The following ALOXE3 variants were observed in gnomAD, a reference collection of about 807,000 sequenced individuals.
The protein encoded by ALOXE3 is hydroperoxide isomerase ALOXE3.
In ALOXE3, 78 loss-of-function variants were observed where a neutral mutation model predicts 87.5. The ratio of observed to expected loss-of-function variants is 0.89; its 90% CI spans 0.74 to 1.08. ALOXE3 has a LOEUF of 1.08. Among genes scored for constraint, ALOXE3 ranks in the 50% least tolerant of loss-of-function variants. ALOXE3 has a pLI of 0.00. For missense variants in ALOXE3, 946 were observed against 912.4 expected, an observed-to-expected ratio of 1.04 and a Z score of -0.47; for synonymous variants, 363 against 370.8, an observed-to-expected ratio of 0.98 and a Z score of 0.24.
chr17:8,110,893 T>C (rs904059046), intron 8 of ALOXE3, among the ~76,000 whole-genome samples: 11 of 152,204 alleles, frequency 7.2e-5, no homozygotes, highest in Non-Finnish European at 1.6e-4. Flanking sequence ...ACCATGTCTC[T>C]AGCTTTCTGG....
intron 5 of ALOXE3, 32 bp from the exon 6 acceptor site, chr17:8,114,641 C>G (rs751123844): frequency 1.2e-6 from 2 of 1,613,288 alleles, no homozygotes; most frequent in South Asian, 1.1e-5. Flanking sequence ...AGACAGAAAC[C>G]AGTCAGTGGG....
At position 8,107,965 on chromosome 17, in the gene ALOXE3, G is replaced by GGAAGGAAA. The variant is rs200841890; in HGVS notation, c.1684+502_1684+503insTTTCCTTC. 3.7e-3 allele frequency among the ~76,000 whole-genome samples: 23 copies of GGAAGGAAA among 6,288 alleles called. 9 individuals carry two copies. The highest frequency in any genetic ancestry group is 6.8e-3 in the East Asian group (7 of 1,022). The allele number at this position is 6,288 out of a possible 152,430, so 4.1% of individuals were successfully genotyped here. ...AGAAAGAAAGAAAGAAAGAAAGGAA[G>GGAAGGAAA]GAGAGAGAGAGAGAGAGAAAGAAAG... On this transcript the variant is annotated intron_variant, in intron 13 of 15. Transcript: ENST00000448843.
At chr17:8,118,891 C>G, upstream of ALOXE3, 6 of 1,483,544 alleles carry the variant, frequency 4.0e-6, no homozygotes, top group Non-Finnish European at 5.3e-6. Flanking sequence ...GCCCATAGCC[C>G]GCAGCGGCCC....
intron 7 of ALOXE3, among the ~76,000 whole-genome samples, chr17:8,111,762 A>G (rs1598212046): frequency 6.6e-6 from 1 of 152,206 alleles, no homozygotes; most frequent in African/African-American, 2.4e-5. Context: ...TTCTGGACCC[A>G]AAGCCCGGAG....
chr17:8,104,037 C>G (rs575386149), intron 14 of ALOXE3, 78 bp downstream of exon 14: 1 of 1,325,490 alleles, frequency 7.5e-7, no homozygotes. Flanking sequence ...CTGACCCACC[C>G]AAGCTCTCAA....
intron 13 of ALOXE3, among the ~76,000 whole-genome samples, chr17:8,107,596 G>A (rs1038263452): frequency 1.3e-5 from 2 of 151,666 alleles, no homozygotes; most frequent in South Asian, 4.2e-4. Flanking sequence ...TCAGGAGATC[G>A]AGACCATCCT....
At chr17:8,101,729 C>T (rs1326805855) in intron 15 of ALOXE3, among the ~76,000 whole-genome samples, 1 of 151,960 alleles carries the variant, frequency 6.6e-6, no homozygotes, top group Non-Finnish European at 1.5e-5. Flanking sequence ...TTTTTACTTC[C>T]TGGGCTCAAG....
intron 15 of ALOXE3, among the ~76,000 whole-genome samples, chr17:8,100,181 T>TGA (rs1366599439): frequency 6.6e-6 from 1 of 151,874 alleles, no homozygotes; most frequent in Non-Finnish European, 1.5e-5. Context: ...GTGCTGTAAG[T>TGA]GACAGTCTGC....
intron 13 of ALOXE3, among the ~76,000 whole-genome samples, chr17:8,105,847 C>A (rs1052164057): frequency 1.5e-5 from 2 of 134,606 alleles, no homozygotes; most frequent in Admixed American, 1.7e-4. Context: ...CCTGGGAGGT[C>A]AAGGCTGCAG....
chr17:8,108,224 G>A (rs137891186), intron 13 of ALOXE3, among the ~76,000 whole-genome samples: 1,562 of 152,230 alleles, frequency 0.01, 21 homozygotes, highest in Non-Finnish European at 0.016. Context: ...TGGGCTTGTG[G>A]AAAGGTCAAG....
chr17:8,112,106 C>G lies in ALOXE3; in HGVS notation c.771G>C (p.Lys257Asn). Residue 257 changes from lysine to asparagine, a missense_variant, in exon 7 of 16, where the codon AAG becomes AAC. Physicochemically the swap from Lys to Asn is moderately conservative, Grantham distance 94 (BLOSUM62 0). Coordinates refer to ENST00000448843, the MANE Select transcript of ALOXE3 (RefSeq NM_021628.3). ...DDMQNIFWCH[K>N]TFTTKYVTEH... ...GGCTCTGCTCACTTGTCGTGAAGGT[C>G]TTATGGCACCAGAAGATGTTCTGCA... 2 of 1,614,136 alleles carry G rather than the reference C, an allele frequency of 1.2e-6. No individual in the cohort carries two copies. The highest frequency in any genetic ancestry group is 2.2e-5 in the South Asian group (2 of 91,082).
chr17:8,103,989 A>C, intron 14 of ALOXE3, 126 bp downstream of exon 14: 1 of 807,682 alleles, frequency 1.2e-6, no homozygotes, highest in Non-Finnish European at 2.1e-6. Flanking sequence ...CTCAGCTGCC[A>C]CTCCAACCCC....
At chr17:8,111,289 C>A in intron 8 of ALOXE3, 70 bp downstream of exon 8, 1 of 1,586,542 alleles carries the variant, frequency 6.3e-7, no homozygotes, top group Non-Finnish European at 8.6e-7. Context: ...CCTCCACACA[C>A]ATCCCTTGTC....
At chr17:8,117,420 CAAAAA>C (rs1158904227) in intron 2 of ALOXE3, among the ~76,000 whole-genome samples, 1 of 152,136 alleles carries the variant, frequency 6.6e-6, no homozygotes, top group Non-Finnish European at 1.5e-5. Context: ...AACTCCATCT[CAAAAA>C]GAAAAGAAAA....
intron 7 of ALOXE3, 60 bp from the exon 8 acceptor site, chr17:8,111,591 G>T: frequency 6.4e-7 from 1 of 1,570,082 alleles, no homozygotes; most frequent in Non-Finnish European, 8.8e-7. Context: ...TCCTAGTCCT[G>T]CCAAGTCCTT....
At chr17:8,112,626 T>C (rs1234566106) in intron 6 of ALOXE3, among the ~76,000 whole-genome samples, 1 of 152,124 alleles carries the variant, frequency 6.6e-6, no homozygotes, top group African/African-American at 2.4e-5. Context: ...TCTCCCACCC[T>C]AGGCATTAGA....
intron 13 of ALOXE3, among the ~76,000 whole-genome samples, chr17:8,106,869 CAG>C (rs1017945086): frequency 1.3e-5 from 2 of 151,880 alleles, no homozygotes; most frequent in Admixed American, 6.6e-5. Flanking sequence ...TGCACTAACT[CAG>C]AGAAAAAAAT....
chr17:8,118,445 CT>C, intron 1 of ALOXE3, 40 bp downstream of exon 1: 15 of 1,550,598 alleles, frequency 9.7e-6, no homozygotes, highest in Non-Finnish European at 1.2e-5. Context: ...CCCCCAAGAT[CT>C]GTTCCTCCCC....
chr17:8,107,778 G>A (rs560823942), intron 13 of ALOXE3, among the ~76,000 whole-genome samples: 1 of 136,544 alleles, frequency 7.3e-6, no homozygotes, highest in African/African-American at 2.8e-5. Flanking sequence ...CAGCCTGGGC[G>A]ACAGAGGGAG....
Sources: gnomAD v4.1 joint callset for allele counts (sites outside exome capture counted in the v4.1 genomes callset) on GRCh38, gnomAD v4.1.1 for gene constraint, MANE v1.5 for transcripts, NCBI Gene and HGNC (gene_info 2026-07-23, HGNC 2026-07-21) for gene names.